DENND1A: variants seen among roughly 807,000 people sequenced by gnomAD.
DENND1A encodes DENN domain-containing protein 1A.
In DENND1A, 51 loss-of-function variants were observed where a neutral mutation model predicts 113.7. The ratio of observed to expected loss-of-function variants is 0.45; its 90% CI spans 0.36 to 0.57. The LOEUF is 0.57. Among genes scored for constraint, DENND1A ranks in the 20% least tolerant of loss-of-function variants. The pLI is 0.00. For missense variants in DENND1A, 1,258 were observed against 1,395.9 expected, an observed-to-expected ratio of 0.90 and a Z score of 1.57; for synonymous variants, 565 against 570.8, an observed-to-expected ratio of 0.99 and a Z score of 0.14.
intron 2 of DENND1A, 127 bp from the exon 3 acceptor site, chr9:123,792,757 T>C: frequency 1.0e-6 from 1 of 969,290 alleles, no homozygotes; most frequent in East Asian, 2.6e-5. Context: ...CAGCTGAGGC[T>C]GCTATGTTGA....
At chr9:123,807,094 AAAGATT>A (rs1835714172) in intron 2 of DENND1A, among the ~76,000 whole-genome samples, 1 of 152,232 alleles carries the variant, frequency 6.6e-6, no homozygotes, top group Non-Finnish European at 1.5e-5. Flanking sequence ...CTCAAAATAC[AAAGATT>A]TATCATACTG....
intron 2 of DENND1A, among the ~76,000 whole-genome samples, chr9:123,838,262 CAAT>C (rs1841326883): frequency 6.6e-6 from 1 of 151,972 alleles, no homozygotes. Context: ...AAAATGAGGA[CAAT>C]AATTAATCTC....
At chr9:123,404,452 G>A (rs370398812) in intron 20 of DENND1A, among the ~76,000 whole-genome samples, 3 of 152,252 alleles carry the variant, frequency 2.0e-5, no homozygotes, top group Admixed American at 6.5e-5. Flanking sequence ...AAAAACAACC[G>A]AGCCTGCCGG....
At chr9:123,519,863 C>A (rs1356560267) in intron 13 of DENND1A, among the ~76,000 whole-genome samples, 1 of 152,028 alleles carries the variant, frequency 6.6e-6, no homozygotes, top group African/African-American at 2.4e-5. Context: ...CCTTCTGAAT[C>A]TTAAGAAATA....
At chr9:123,689,642 A>C (rs2140355120) in intron 5 of DENND1A, among the ~76,000 whole-genome samples, 1 of 152,318 alleles carries the variant, frequency 6.6e-6, no homozygotes, top group South Asian at 2.1e-4. Flanking sequence ...GATTATTTTT[A>C]ATCATATGGG....
chr9:123,786,090 G>T (rs1283055306), intron 3 of DENND1A, among the ~76,000 whole-genome samples: 1 of 152,036 alleles, frequency 6.6e-6, no homozygotes, highest in Non-Finnish European at 1.5e-5. Flanking sequence ...GCACACACTT[G>T]TAATTCCAGC....
At chr9:123,662,687 G>A (rs916982984) in intron 8 of DENND1A, among the ~76,000 whole-genome samples, 4 of 152,214 alleles carry the variant, frequency 2.6e-5, no homozygotes, top group African/African-American at 9.6e-5. Context: ...CAAGAATGAG[G>A]AAGATGTGAA....
rs952919751 is a variant in DENND1A at position 123,561,685 on chromosome 9, G to T, written c.868-3990C>A. Among the ~76,000 whole-genome samples the T allele has an allele frequency of 3.3e-5, 5 of 152,090 alleles. No homozygotes were observed. In the South Asian group the frequency reaches 8.3e-4, roughly 25 times the overall value. On this transcript the variant is annotated intron_variant, in intron 12 of 23. Transcript: ENST00000394215. ...TGTGTTGTAAGTGCTGGTGAGGATG[G>T]CTTCCTCCTTTAATCGGGTGTTATA...
chr9:123,784,207 C>T (rs2131892437), intron 3 of DENND1A, among the ~76,000 whole-genome samples: 1 of 152,268 alleles, frequency 6.6e-6, no homozygotes, highest in East Asian at 1.9e-4. Context: ...TGTGACCAGC[C>T]TTAAATCCAA....
intron 13 of DENND1A, among the ~76,000 whole-genome samples, chr9:123,552,502 C>T (rs980358771): frequency 2.0e-5 from 3 of 152,242 alleles, no homozygotes; most frequent in Admixed American, 2.0e-4. Flanking sequence ...AGCACTGTGA[C>T]TGCAGTAACC....
chr9:123,795,556 C>T (rs1221248343), intron 2 of DENND1A, among the ~76,000 whole-genome samples: 9 of 152,160 alleles, frequency 5.9e-5, no homozygotes, highest in African/African-American at 9.7e-5. Flanking sequence ...AATCCACTTG[C>T]GTGTCTGTAT....
intron 19 of DENND1A, chr9:123,437,875 C>T (rs1397038528): frequency 6.6e-6 from 1 of 152,082 alleles, no homozygotes; most frequent in Non-Finnish European, 1.5e-5. Flanking sequence ...ATTAGGGCTA[C>T]GTGAGTGCAT....
At chr9:123,584,867 G>A (rs543433551) in intron 11 of DENND1A, among the ~76,000 whole-genome samples, 4 of 152,266 alleles carry the variant, frequency 2.6e-5, no homozygotes, top group African/African-American at 7.2e-5. Context: ...TGCCTCCCCT[G>A]CTGGGGTGTG....
chr9:123,443,376 A>G (rs1191322192), intron 18 of DENND1A, among the ~76,000 whole-genome samples: 2 of 152,204 alleles, frequency 1.3e-5, no homozygotes. Context: ...GGGTTCTCTA[A>G]CCTAGAGCCT....
chr9:123,844,376 GGAT>G (rs1240851281), intron 2 of DENND1A, among the ~76,000 whole-genome samples: 1 of 151,820 alleles, frequency 6.6e-6, no homozygotes, highest in South Asian at 2.1e-4. Flanking sequence ...CAAATCTGCA[GGAT>G]AATAGATCAA....
chr9:123,869,831 T>A (rs563681493), intron 2 of DENND1A, among the ~76,000 whole-genome samples: 1 of 151,356 alleles, frequency 6.6e-6, no homozygotes, highest in East Asian at 1.9e-4. Flanking sequence ...CAAGACCCTA[T>A]CTCTACAAAA....
At chr9:123,865,847 A>G (rs1042009282) in intron 2 of DENND1A, among the ~76,000 whole-genome samples, 28 of 152,180 alleles carry the variant, frequency 1.8e-4, no homozygotes, top group African/African-American at 6.7e-4. Context: ...GACCCACATG[A>G]CCTGACTCTA....
At chr9:123,717,111 T>C (rs1248405273) in intron 5 of DENND1A, among the ~76,000 whole-genome samples, 4 of 152,168 alleles carry the variant, frequency 2.6e-5, no homozygotes, top group Non-Finnish European at 5.9e-5. Flanking sequence ...ATAAAATTTA[T>C]TTGAGAGACC....
chr9:123,801,828 G>A (rs1834725606), intron 2 of DENND1A, among the ~76,000 whole-genome samples: 2 of 152,126 alleles, frequency 1.3e-5, no homozygotes, highest in South Asian at 4.1e-4. Context: ...AACCTGGCCA[G>A]CTTAATCATT....
Sources: gnomAD v4.1 joint callset for allele counts (sites outside exome capture counted in the v4.1 genomes callset) on GRCh38, gnomAD v4.1.1 for gene constraint, MANE v1.5 for transcripts, NCBI Gene and HGNC (gene_info 2026-07-23, HGNC 2026-07-21) for gene names.